The following RYR3 variants were observed in gnomAD, a reference collection of about 807,000 sequenced individuals.
RYR3 encodes the protein brain ryanodine receptor-calcium release channel.
In RYR3, 207 loss-of-function variants were observed where a neutral mutation model predicts 584.3. The ratio of observed to expected loss-of-function variants is 0.35; its 90% CI spans 0.32 to 0.40. RYR3 has a LOEUF of 0.40. RYR3 is among the 10% of genes least tolerant of loss of function. The pLI is 1.00. For synonymous variants in RYR3, 2,416 were observed against 2,248.5 expected (o/e 1.07, Z -2.11); for missense variants, 5,616 against 6,089.2 (o/e 0.92, Z 2.59).
At position 33,311,761 on chromosome 15, in the gene RYR3, C is replaced by T. The variant is rs1320051068; in HGVS notation, c.51+665C>T. Among the ~76,000 whole-genome samples, 1 of 152,238 alleles carries T rather than the reference C, an allele frequency of 6.6e-6. No individual in the cohort carries two copies. The highest frequency in any genetic ancestry group is 1.5e-5 in the Non-Finnish European group (1 of 68,042). On this transcript the variant is annotated intron_variant, in intron 1 of 103. Coordinates refer to ENST00000634891, the MANE Select transcript of RYR3 (RefSeq NM_001036.6). This position sits in a 1 kb window ranked among gnomAD's most constrained non-coding sequence, Gnocchi z 4.4. ...CTGTGGCTTCTGCTCCTGGCTCCCGCGAGCCCCGCAGGACAGGGAAACCCC... is the reference window on the plus strand; with the variant it reads ...CTGTGGCTTCTGCTCCTGGCTCCCGTGAGCCCCGCAGGACAGGGAAACCCC...
In RYR3 at chr15:33,757,605, A is replaced by G. The variant is rs761169385; in HGVS notation, c.8705+9A>G. On this transcript the variant is annotated intron_variant, in intron 60 of 103. Transcript: ENST00000634891. ...AAAGAAATGGTGGCCGGGTGAGTCT[A>G]CAAGATAAAGGGAAGGTGATGGTGC... The G allele has an allele frequency of 1.4e-5, 22 of 1,608,272 alleles. No individual in the cohort carries two copies. The highest frequency in any genetic ancestry group is 1.7e-5 in the Non-Finnish European group (20 of 1,177,594).
At position 33,857,750 on chromosome 15, in the gene RYR3, C is replaced by A. The variant is rs199970361; in HGVS notation, c.14008-30C>A. Reference sequence around the variant, plus strand: ...TTTCAAGGTAGAGAAGACCCCACTCCTTTTCCTTTCTCTGTCCTCTCATTC... The same window carrying A: ...TTTCAAGGTAGAGAAGACCCCACTCATTTTCCTTTCTCTGTCCTCTCATTC... On this transcript the variant is annotated intron_variant, in intron 98 of 103. Coordinates refer to ENST00000634891, the MANE Select transcript of RYR3 (RefSeq NM_001036.6). The A allele has an allele frequency of 3.7e-5, 60 of 1,613,390 alleles. No homozygotes were observed. The East Asian group carries it at 1.3e-3, about 35-fold the overall frequency.
intron 1 of RYR3, among the ~76,000 whole-genome samples, chr15:33,367,870 T>C (rs1045624271): frequency 6.6e-6 from 1 of 152,232 alleles, no homozygotes; most frequent in Non-Finnish European, 1.5e-5. Context: ...TTTGCAGATA[T>C]GAAAATTAAG....
At chr15:33,585,295 A>G (rs1022580794) in intron 15 of RYR3, among the ~76,000 whole-genome samples, 1 of 152,128 alleles carries the variant, frequency 6.6e-6, no homozygotes, top group African/African-American at 2.4e-5. Flanking sequence ...AAACATTGAG[A>G]AAAAAACAGA....
chr15:33,498,486 G>A (rs570559451), intron 2 of RYR3, among the ~76,000 whole-genome samples: 2 of 152,156 alleles, frequency 1.3e-5, no homozygotes, highest in East Asian at 3.9e-4. Context: ...TTTGAGAAAT[G>A]TTTATTCAGA....
At chr15:33,773,664 ACTT>A (rs1567143418) in intron 64 of RYR3, 49 bp downstream of exon 64, 3 of 1,218,168 alleles carry the variant, frequency 2.5e-6, no homozygotes, top group Admixed American at 1.9e-5. Flanking sequence ...GTAAAATGTT[ACTT>A]ACAGCCTTTT....
intron 12 of RYR3, among the ~76,000 whole-genome samples, chr15:33,574,448 C>A (rs2058191731): frequency 6.6e-6 from 1 of 152,180 alleles, no homozygotes; most frequent in Admixed American, 6.5e-5. Context: ...CTCTTCCCCA[C>A]TATTTTTGTG....
chr15:33,464,463 G>GATAGATATAT (rs2048286881), intron 1 of RYR3, among the ~76,000 whole-genome samples: 1 of 79,282 alleles, frequency 1.3e-5, no homozygotes, highest in Admixed American at 1.2e-4. Context: ...GGGAGGTGGA[G>GATAGATATAT]ATATATATAT....
chr15:33,585,972 A>G, intron 15 of RYR3, 26 bp from the exon 16 acceptor site: 1 of 1,442,806 alleles, frequency 6.9e-7, no homozygotes, highest in Non-Finnish European at 9.8e-7. Flanking sequence ...TAATGTCCAA[A>G]TTTGATGTTT....
intron 3 of RYR3, among the ~76,000 whole-genome samples, chr15:33,517,968 T>C (rs2053660480): frequency 6.6e-6 from 1 of 152,202 alleles, no homozygotes; most frequent in Non-Finnish European, 1.5e-5. Context: ...GTTCTTTCCG[T>C]TCTCTGGTTT....
At chr15:33,316,792 C>T (rs970185775) in intron 1 of RYR3, among the ~76,000 whole-genome samples, 6 of 152,294 alleles carry the variant, frequency 3.9e-5, no homozygotes, top group Middle Eastern at 3.4e-3. Flanking sequence ...GGAAGTCGAC[C>T]TTTCTTATCA....
intron 98 of RYR3, among the ~76,000 whole-genome samples, chr15:33,857,234 T>C (rs2079775882): frequency 1.6e-5 from 1 of 64,430 alleles, no homozygotes; most frequent in South Asian, 8.4e-4. Context: ...GTAAGTCCAG[T>C]ATCATGGTGC....
intron 27 of RYR3, among the ~76,000 whole-genome samples, chr15:33,637,431 C>G (rs2061555834): frequency 6.6e-6 from 1 of 152,260 alleles, no homozygotes; most frequent in African/African-American, 2.4e-5. Flanking sequence ...GCACTGTTTC[C>G]TCCTCACGGA....
At chr15:33,552,429 G>A (rs899821717) in intron 10 of RYR3, among the ~76,000 whole-genome samples, 11 of 152,120 alleles carry the variant, frequency 7.2e-5, no homozygotes, top group African/African-American at 2.4e-4. Context: ...GTGGAAAGTC[G>A]TCATGGTACC....
chr15:33,440,105 T>C (rs2046092121), intron 1 of RYR3, among the ~76,000 whole-genome samples: 2 of 152,152 alleles, frequency 1.3e-5, no homozygotes, highest in South Asian at 2.1e-4. Context: ...CTGGGCAACA[T>C]AGGGAGACCC....
chr15:33,624,228 C>T (rs1298313673), intron 20 of RYR3, among the ~76,000 whole-genome samples: 1 of 152,180 alleles, frequency 6.6e-6, no homozygotes, highest in Non-Finnish European at 1.5e-5. Flanking sequence ...TGTTGAGCAC[C>T]TGCTACGTGT....
At chr15:33,473,089 A>T (rs893458158) in intron 1 of RYR3, among the ~76,000 whole-genome samples, 1 of 152,162 alleles carries the variant, frequency 6.6e-6, no homozygotes, top group Non-Finnish European at 1.5e-5. Flanking sequence ...AGATTGTATA[A>T]ATTTGCTTTC....
Position 33,837,012 on chromosome 15 carries a change from C to T in RYR3, c.11650+25C>T, listed in dbSNP as rs757847075. 9.0e-6 allele frequency: 14 copies of T among 1,563,468 alleles called. No homozygotes were observed. In the South Asian group the frequency reaches 1.6e-4, roughly 18 times the overall value. ...GGTTGGGCTGTTTGGTATAACTAGG[C>T]CTTCACACAACTGTAATTGGTCTGA... is the stretch of plus-strand genomic sequence containing the variant. On this transcript the variant is annotated intron_variant, in intron 88 of 103. Transcript: ENST00000634891.
chr15:33,659,815 T>C lies in RYR3; in HGVS notation c.4395+9T>C, dbSNP rs1402860901. The C allele has an allele frequency of 1.3e-6, 2 of 1,577,362 alleles. No homozygotes were observed. Among genetic ancestry groups the C allele is most frequent in the Non-Finnish European group, 1.7e-6 (2 of 1,147,168 alleles). ...AACTTGGAAAGCTGAAGGTATTTAT[T>C]TGTCCTCTCATCTAATGGCCATGAC... On this transcript the variant is annotated intron_variant, in intron 33 of 103. Transcript: ENST00000634891.
Sources: gnomAD v4.1 joint callset for allele counts (sites outside exome capture counted in the v4.1 genomes callset) on GRCh38, gnomAD v4.1.1 for gene constraint, Gnocchi (gnomAD v3.1) non-coding constraint, MANE v1.5 for transcripts, NCBI Gene and HGNC (gene_info 2026-07-23, HGNC 2026-07-21) for gene names.